The following SAMD11 variants were observed in gnomAD, a reference collection of about 807,000 sequenced individuals.
The protein encoded by SAMD11 is sterile alpha motif domain containing 11.
A neutral mutation model predicts 64.4 loss-of-function variants in SAMD11; 77 were observed. That is an observed-to-expected ratio of 1.20 (90% CI 0.99 to 1.44). The LOEUF (loss-of-function observed/expected upper bound fraction) is 1.44, where lower values mean the gene tolerates loss of function less well. Among genes scored for constraint, SAMD11 ranks in the 40% most tolerant of loss-of-function variants. The pLI is 0.00. For missense variants in SAMD11, 1,402 were observed against 943.3 expected (o/e 1.49, Z -6.37); for synonymous variants, 658 against 421.9 (o/e 1.56, Z -6.86).
rs552305601 is a variant in SAMD11 at position 940,296 on chromosome 1, G to GCCCCCCCCCC, written c.1196-845_1196-836dup. The GCCCCCCCCCC allele has an allele frequency of 1.2e-3, 153 of 131,418 alleles. 19 individuals carry two copies. Among genetic ancestry groups the GCCCCCCCCCC allele is most frequent in the Admixed American group, 1.8e-3 (23 of 12,452 alleles). The allele number at this position is 131,418 out of a possible 1,614,324, so 8.1% of individuals were successfully genotyped here. On this transcript the variant is annotated intron_variant, in intron 7 of 13. Coordinates refer to ENST00000616016, the MANE Select transcript of SAMD11 (RefSeq NM_001385641.1). ...GCGCTGTCAATCAGGCCGCGCCGCC[G>GCCCCCCCCCC]CCCCCCCCCCCCGCCCCGCCGCGGA... is the stretch of plus-strand genomic sequence containing the variant.
In SAMD11 at chr1:943,998, G is replaced by GAAATCGGC. The variant is rs763263330; in HGVS notation, c.2382_2383insATCGGCAA (p.Leu795IlefsTer93). ...ACCAACCCTGCGGGCCCCGGAGCGAGAACTCGGCACAGGAGAGCAGCCCTT... is the reference window on the plus strand; with the variant it reads ...ACCAACCCTGCGGGCCCCGGAGCGAGAAATCGGCAACTCGGCACAGGAGAGCAGCCCTT... On this transcript the variant is annotated frameshift_variant, in exon 14 of 14. Transcript: ENST00000616016. LOFTEE classifies it low-confidence loss of function (END_TRUNC). The GAAATCGGC allele has an allele frequency of 6.2e-6, 10 of 1,612,748 alleles. No individual in the cohort carries two copies. Among genetic ancestry groups the GAAATCGGC allele is most frequent in the Non-Finnish European group, 8.5e-6 (10 of 1,180,004 alleles).
At chr1:943,130 G>A (rs1641900823) in intron 11 of SAMD11, 72 bp downstream of exon 11, 22 of 1,572,102 alleles carry the variant, frequency 1.4e-5, no homozygotes, top group Non-Finnish European at 1.9e-5. Flanking sequence ...AGGGTCTTGG[G>A]GGGAGGAAAA....
Position 944,003 on chromosome 1 carries a change from C to A in SAMD11, c.2385C>A (p.Leu795=). 1.2e-6 allele frequency: 2 copies of A among 1,612,860 alleles called. No individual in the cohort carries two copies. The highest frequency in any genetic ancestry group is 1.7e-6 in the Non-Finnish European group (2 of 1,179,990). The part of the protein sequence containing the change: ...PPTLRAPERE[L]GTGEQPLSPT... ...CCCTGCGGGCCCCGGAGCGAGAACT[C>A]GGCACAGGAGAGCAGCCCTTGTCCC... Residue 795 remains leucine (L), a synonymous_variant, in exon 14 of 14, where the codon CTC becomes CTA. Coordinates refer to ENST00000616016, the MANE Select transcript of SAMD11 (RefSeq NM_001385641.1).
intron 3 of SAMD11, 21 bp downstream of exon 3, chr1:930,357 C>T (rs1425937910): frequency 6.3e-7 from 1 of 1,581,258 alleles, no homozygotes; most frequent in South Asian, 1.2e-5. Context: ...CAGGGCCGGA[C>T]AGGAAGGCGC....
At chr1:943,676 C>G in intron 12 of SAMD11, 22 bp from the exon 13 acceptor site, 2 of 1,528,582 alleles carry the variant, frequency 1.3e-6, no homozygotes, top group African/African-American at 1.4e-5. Flanking sequence ...GGGTCCTGAC[C>G]CTCCCTCCCT....
At chr1:931,834 G>T (rs889217763) in intron 4 of SAMD11, among the ~76,000 whole-genome samples, 1 of 152,364 alleles carries the variant, frequency 6.6e-6, no homozygotes. Flanking sequence ...GAGGTCAAGG[G>T]AGTTGGGGGA....
chr1:943,587 C>G (rs902420508), intron 12 of SAMD11, 111 bp from the exon 13 acceptor site: 10 of 1,067,688 alleles, frequency 9.4e-6, no homozygotes, highest in East Asian at 2.8e-5. Flanking sequence ...CCCAACAGAT[C>G]ACTGTTTTTA....
chr1:943,166 C>T (rs1484337121), intron 11 of SAMD11, 87 bp from the exon 12 acceptor site: 20 of 1,597,958 alleles, frequency 1.3e-5, no homozygotes, highest in South Asian at 5.6e-5. Context: ...CCATCCCCCA[C>T]CTCAGCAATT....
intron 4 of SAMD11, among the ~76,000 whole-genome samples, chr1:933,437 C>A (rs1055880004): frequency 6.6e-6 from 1 of 152,182 alleles, no homozygotes; most frequent in African/African-American, 2.4e-5. Flanking sequence ...AGCTATTAGG[C>A]CCTCCCTCAC....
chr1:944,011 G>T lies in SAMD11; in HGVS notation c.2393G>T (p.Gly798Val). 1 of 1,612,938 alleles carries T rather than the reference G, an allele frequency of 6.2e-7. No individual in the cohort carries two copies. The highest frequency in any genetic ancestry group is 8.5e-7 in the Non-Finnish European group (1 of 1,180,026). The part of the protein sequence containing the change: ...LRAPERELGT[G>V]EQPLSPTTAT... Reference sequence around the variant, plus strand: ...GCCCCGGAGCGAGAACTCGGCACAGGAGAGCAGCCCTTGTCCCCCACGACG... The same window carrying T: ...GCCCCGGAGCGAGAACTCGGCACAGTAGAGCAGCCCTTGTCCCCCACGACG... The change falls in exon 14 of 14, where the codon GGA becomes GTA. Residue 798 changes from glycine (G) to valine (V), a missense_variant. Physicochemically the swap from Gly to Val is moderately radical, Grantham distance 109. Coordinates refer to ENST00000616016, the MANE Select transcript of SAMD11 (RefSeq NM_001385641.1).
Position 944,026 on chromosome 1 carries a change from C to G in SAMD11, c.2408C>G (p.Ser803Cys). Residue 803 changes from serine to cysteine, a missense_variant, in exon 14 of 14, where the codon TCC becomes TGC. By Grantham distance (112) the Ser-to-Cys change is moderately radical. Transcript: ENST00000616016. ...RELGTGEQPL[S>C]PTTATSPYGG... ...CTCGGCACAGGAGAGCAGCCCTTGT[C>G]CCCCACGACGGCCACGTCCCCCTAT... is the stretch of plus-strand genomic sequence containing the variant. The G allele has an allele frequency of 6.2e-7, 1 of 1,612,886 alleles. No individual in the cohort carries two copies. Among genetic ancestry groups the G allele is most frequent in the Non-Finnish European group, 8.5e-7 (1 of 1,179,994 alleles).
At chr1:940,302 C>CCCCCA (rs951132664) in intron 7 of SAMD11, 1 of 143,326 alleles carries the variant, frequency 7.0e-6, no homozygotes, top group Non-Finnish European at 1.6e-5. Context: ...CGCCGCCCCC[C>CCCCCA]CCCCCCGCCC....
At chr1:937,776 C>T (rs1016104438) in intron 5 of SAMD11, among the ~76,000 whole-genome samples, 1 of 152,260 alleles carries the variant, frequency 6.6e-6, no homozygotes, top group Non-Finnish European at 1.5e-5. Flanking sequence ...GACTGACCCT[C>T]TCTCTGGGGC....
chr1:927,194 G>A (rs1457764742), intron 2 of SAMD11, among the ~76,000 whole-genome samples: 1 of 152,198 alleles, frequency 6.6e-6, no homozygotes, highest in African/African-American at 2.4e-5. Flanking sequence ...ACAGCCGGCA[G>A]CCCCCTGTCT....
Position 941,091 on chromosome 1 carries a change from G to A in SAMD11, c.1196-53G>A. On this transcript the variant is annotated intron_variant, in intron 7 of 13. Transcript: ENST00000616016. ...GTGTTCTACGCCAGGACGCGGGCTG[G>A]GGAGGATGAGGGCGCATAGCCGGGG... 33 of 1,493,764 alleles carry A rather than the reference G, an allele frequency of 2.2e-5. No homozygotes were observed. In the South Asian group the frequency reaches 2.8e-4, roughly 13 times the overall value. 92.5% of individuals were successfully genotyped at this position (1,493,764 alleles called of 1,614,324 possible). A position where few individuals can be genotyped will look rare whatever the true frequency, so the allele number is the denominator to read the frequency against.
At chr1:926,092 G>T in intron 2 of SAMD11, 79 bp downstream of exon 2, 2 of 1,388,030 alleles carry the variant, frequency 1.4e-6, no homozygotes, top group South Asian at 2.3e-5. Context: ...GGGTTTTCAG[G>T]ATCGAGAGTC....
intron 2 of SAMD11, among the ~76,000 whole-genome samples, chr1:929,792 G>T (rs1198442619): frequency 6.6e-6 from 1 of 152,168 alleles, no homozygotes; most frequent in African/African-American, 2.4e-5. Context: ...CCCTGGAGTT[G>T]GCCAGGACCC....
intron 2 of SAMD11, among the ~76,000 whole-genome samples, chr1:929,647 C>T (rs1018411861): frequency 5.9e-5 from 9 of 152,314 alleles, no homozygotes; most frequent in East Asian, 5.8e-4. Context: ...TTTGAGTGCA[C>T]GTCCACCAGC....
intron 5 of SAMD11, among the ~76,000 whole-genome samples, chr1:936,866 C>A (rs1171385566): frequency 6.6e-6 from 1 of 152,144 alleles, no homozygotes; most frequent in African/African-American, 2.4e-5. Context: ...GGAGGGAGCC[C>A]CACAATGATT....
Sources: allele counts gnomAD v4.1 joint callset (sites outside exome capture counted in the v4.1 genomes callset), GRCh38; gene constraint gnomAD v4.1.1; transcripts MANE v1.5; gene names NCBI Gene and HGNC (gene_info 2026-07-23, HGNC 2026-07-21).